The following CCSER1 variants were observed in gnomAD, a reference collection of about 807,000 sequenced individuals.
CCSER1 encodes the protein coiled-coil serine rich protein 1, also known as serine-rich coiled-coil domain-containing protein 1.
A neutral mutation model predicts 82.0 loss-of-function variants in CCSER1; 41 were observed. The ratio of observed to expected loss-of-function variants is 0.50; its 90% confidence interval spans 0.39 to 0.65. CCSER1 has a LOEUF of 0.65. CCSER1 is among the 30% of genes least tolerant of loss of function. The pLI is 0.00. For synonymous variants in CCSER1, 414 were observed against 383.9 expected, an observed-to-expected ratio of 1.08 and a Z score of -0.92; for missense variants, 1,119 against 1,064.2, an observed-to-expected ratio of 1.05 and a Z score of -0.72.
chr4:90,406,608 C>T (rs1487405229), intron 4 of CCSER1, among the ~76,000 whole-genome samples: 1 of 152,060 alleles, frequency 6.6e-6, no homozygotes, highest in African/African-American at 2.4e-5. Flanking sequence ...AGACAGGCCA[C>T]TAAACAAGTC....
chr4:91,492,827 T>G (rs1434460290), intron 10 of CCSER1, among the ~76,000 whole-genome samples: 1 of 152,070 alleles, frequency 6.6e-6, no homozygotes, highest in Non-Finnish European at 1.5e-5. Context: ...TATAGGATCA[T>G]TCCAGAAAGG....
chr4:90,806,445 TTTAA>T (rs2149720321), intron 7 of CCSER1, among the ~76,000 whole-genome samples: 1 of 152,334 alleles, frequency 6.6e-6, no homozygotes, highest in African/African-American at 2.4e-5. Flanking sequence ...TTTTAAACTA[TTTAA>T]TTAACAAAAT....
chr4:91,411,523 TATA>T (rs1753047121), intron 10 of CCSER1, among the ~76,000 whole-genome samples: 1 of 126,958 alleles, frequency 7.9e-6, no homozygotes, highest in African/African-American at 3.2e-5. Context: ...TATATATATA[TATA>T]AAATCTTGAC....
chr4:90,937,908 A>G (rs1166823709), intron 9 of CCSER1, among the ~76,000 whole-genome samples: 3 of 152,126 alleles, frequency 2.0e-5, no homozygotes, highest in African/African-American at 7.2e-5. Context: ...CCAGTTTCCT[A>G]TATTAACATG....
At chr4:91,345,189 C>T (rs1747971098) in intron 10 of CCSER1, among the ~76,000 whole-genome samples, 1 of 152,128 alleles carries the variant, frequency 6.6e-6, no homozygotes, top group Non-Finnish European at 1.5e-5. Flanking sequence ...ATCAGGAGTT[C>T]AAGACTGGCC....
At chr4:90,166,485 G>A (rs534980294) in intron 1 of CCSER1, among the ~76,000 whole-genome samples, 2 of 151,984 alleles carry the variant, frequency 1.3e-5, no homozygotes, top group African/African-American at 4.8e-5. Context: ...CACCCTCAAG[G>A]AGGTATTTTG....
In CCSER1 at chr4:90,408,142, C is replaced by T. The variant is rs563270876; in HGVS notation, c.1603+8013C>T. Among the ~76,000 whole-genome samples the T allele has an allele frequency of 1.1e-4, 16 of 152,296 alleles. No homozygotes were observed. In the South Asian group the frequency reaches 1.2e-3, roughly 12 times the overall value. On this transcript the variant is annotated intron_variant, in intron 4 of 10. Coordinates refer to ENST00000509176, the MANE Select transcript of CCSER1 (RefSeq NM_001145065.2). ...AGCTAAACAGAGCGGCTGGGAAGCT[C>T]GAACTAGGTAGAGTCCACCCAGCTC...
intron 9 of CCSER1, among the ~76,000 whole-genome samples, chr4:91,015,965 C>A (rs970797538): frequency 3.3e-5 from 5 of 151,844 alleles, no homozygotes; most frequent in Middle Eastern, 3.2e-3. Flanking sequence ...AGGCTTGGTA[C>A]TTGATTTATT....
intron 6 of CCSER1, among the ~76,000 whole-genome samples, chr4:90,659,929 T>A (rs955495097): frequency 6.6e-6 from 1 of 151,942 alleles, no homozygotes. Context: ...TTTTGAAAAA[T>A]GCTTATTTGT....
intron 9 of CCSER1, among the ~76,000 whole-genome samples, chr4:91,044,643 G>A (rs189173599): frequency 1.3e-5 from 2 of 151,858 alleles, no homozygotes; most frequent in Admixed American, 1.3e-4. Context: ...TCCATCTCAG[G>A]GCCTTTTACA....
intron 10 of CCSER1, among the ~76,000 whole-genome samples, chr4:91,436,493 T>C (rs1026864466): frequency 6.6e-6 from 1 of 152,334 alleles, no homozygotes; most frequent in East Asian, 1.9e-4. Flanking sequence ...ATAGAAAGTA[T>C]GAGAAAGTCG....
At chr4:90,381,878 T>C (rs939793036) in intron 3 of CCSER1, among the ~76,000 whole-genome samples, 14 of 152,122 alleles carry the variant, frequency 9.2e-5, no homozygotes, top group African/African-American at 3.4e-4. Flanking sequence ...TCAATAATTA[T>C]TTTTTAAATT....
chr4:91,524,241 T>A (rs1375753921), intron 10 of CCSER1, among the ~76,000 whole-genome samples: 1 of 152,220 alleles, frequency 6.6e-6, no homozygotes, highest in Non-Finnish European at 1.5e-5. Flanking sequence ...CTTCATTTTG[T>A]GACATTGTTA....
intron 5 of CCSER1, among the ~76,000 whole-genome samples, chr4:90,503,910 G>A (rs578042633): frequency 4.6e-5 from 7 of 151,784 alleles, no homozygotes; most frequent in South Asian, 2.1e-4. Context: ...TTGACTTATC[G>A]TATACTTTTT....
intron 5 of CCSER1, among the ~76,000 whole-genome samples, chr4:90,507,063 A>T (rs894121708): frequency 1.3e-5 from 2 of 152,200 alleles, no homozygotes; most frequent in Non-Finnish European, 2.9e-5. Context: ...CTAACAAGGA[A>T]AACTGAAGAA....
At chr4:90,783,215 A>C (rs1356349797) in intron 7 of CCSER1, among the ~76,000 whole-genome samples, 1 of 152,172 alleles carries the variant, frequency 6.6e-6, no homozygotes, top group African/African-American at 2.4e-5. Flanking sequence ...ACTCCTTCCA[A>C]GCTTATTTAT....
intron 10 of CCSER1, among the ~76,000 whole-genome samples, chr4:91,538,151 A>G (rs2110187216): frequency 6.6e-6 from 1 of 152,144 alleles, no homozygotes; most frequent in East Asian, 1.9e-4. Context: ...GTTTACTCTA[A>G]TGAAAGAAAT....
At chr4:90,730,514 A>G (rs1744509448) in intron 7 of CCSER1, among the ~76,000 whole-genome samples, 1 of 152,218 alleles carries the variant, frequency 6.6e-6, no homozygotes, top group African/African-American at 2.4e-5. Context: ...AACACGAACT[A>G]AATCCCTGCA....
intron 10 of CCSER1, among the ~76,000 whole-genome samples, chr4:91,594,398 T>TATAC (rs1764439907): frequency 7.1e-6 from 1 of 140,122 alleles, no homozygotes; most frequent in Non-Finnish European, 1.5e-5. Context: ...TATACATATA[T>TATAC]ACACATATAT....
Sources: gnomAD v4.1 joint callset for allele counts (sites outside exome capture counted in the v4.1 genomes callset) on GRCh38, gnomAD v4.1.1 for gene constraint, MANE v1.5 for transcripts, NCBI Gene and HGNC (gene_info 2026-07-23, HGNC 2026-07-21) for gene names.